Variants in PHF24 observed in about 807,000 individuals in gnomAD.
PHF24 encodes PHD finger protein 24, also known as Galpha inhibitory interacting protein.
Under a neutral mutation model 42.6 loss-of-function variants are expected in PHF24, and 25 were observed. The ratio of observed to expected loss-of-function variants is 0.59; its 90% confidence interval spans 0.43 to 0.82. The LOEUF (loss-of-function observed/expected upper bound fraction) is 0.82, where lower values mean the gene tolerates loss of function less well. Ranked by LOEUF, PHF24 falls within the 40% of genes least tolerant of loss-of-function variation. The probability of loss-of-function intolerance (pLI) is 0.00; values close to 1 mark genes in which losing one functional copy is unlikely to be tolerated. For synonymous variants in PHF24, 185 were observed against 204.8 expected (o/e 0.90, Z 0.83); for missense variants, 470 against 538.1 (o/e 0.87, Z 1.25).
chr9:34,750,791 GA>G, the PHF24 span, among the ~76,000 whole-genome samples: 1 of 151,888 alleles, frequency 6.6e-6, no homozygotes, highest in South Asian at 2.1e-4. Flanking sequence ...GGGAAAAAAG[GA>G]AGACAATACC....
At chr9:34,937,621 C>T in the PHF24 span, among the ~76,000 whole-genome samples, 21 of 145,540 alleles carry the variant, frequency 1.4e-4, no homozygotes, top group South Asian at 4.2e-3. Flanking sequence ...TCCCCCTCTG[C>T]GAGAAACACC....
the PHF24 span, among the ~76,000 whole-genome samples, chr9:34,846,959 A>G: frequency 6.6e-6 from 1 of 152,052 alleles, no homozygotes; most frequent in African/African-American, 2.4e-5. Context: ...ATTGATCTAT[A>G]TCTCTGTTTT....
the PHF24 span, among the ~76,000 whole-genome samples, chr9:34,713,074 A>C: frequency 6.6e-6 from 1 of 152,170 alleles, no homozygotes; most frequent in African/African-American, 2.4e-5. Flanking sequence ...CTCCTTAGGG[A>C]TTGCTGATAT....
the PHF24 span, among the ~76,000 whole-genome samples, chr9:34,748,574 T>C: frequency 6.6e-6 from 1 of 152,192 alleles, no homozygotes; most frequent in Non-Finnish European, 1.5e-5. Context: ...AACAAGAGTT[T>C]CTGCCTGGTA....
the PHF24 span, among the ~76,000 whole-genome samples, chr9:34,931,003 C>T: frequency 6.6e-6 from 1 of 152,102 alleles, no homozygotes; most frequent in Non-Finnish European, 1.5e-5. Context: ...TGGGTTAGCA[C>T]CATCCCTTCA....
the PHF24 span, among the ~76,000 whole-genome samples, chr9:34,909,886 C>CAA: frequency 6.6e-6 from 1 of 152,208 alleles, no homozygotes; most frequent in African/African-American, 2.4e-5. Context: ...CTTAGCCTCC[C>CAA]AAAGTGCTGG....
At chr9:34,915,407 C>CTTT in the PHF24 span, among the ~76,000 whole-genome samples, 3 of 145,030 alleles carry the variant, frequency 2.1e-5, no homozygotes, top group Non-Finnish European at 4.6e-5. Flanking sequence ...GCAGGTTGGC[C>CTTT]TTTTTTTTTT....
the PHF24 span, among the ~76,000 whole-genome samples, chr9:34,837,888 T>C: frequency 6.6e-6 from 1 of 152,226 alleles, no homozygotes; most frequent in African/African-American, 2.4e-5. Context: ...TCGGATTCAC[T>C]TGGAGCCTTT....
the PHF24 span, among the ~76,000 whole-genome samples, chr9:34,818,995 A>AT: frequency 6.6e-6 from 1 of 152,192 alleles, no homozygotes; most frequent in Admixed American, 6.5e-5. Context: ...ATGTAGGGCT[A>AT]TTCAGGTTAT....
the PHF24 span, among the ~76,000 whole-genome samples, chr9:34,701,229 A>T: frequency 1.3e-5 from 2 of 152,082 alleles, no homozygotes; most frequent in Non-Finnish European, 2.9e-5. This position sits in a 1 kb window ranked among gnomAD's most constrained non-coding sequence, Gnocchi z 5.8. Flanking sequence ...ATGCGCGCGT[A>T]CTAGCCATTG....
At chr9:34,974,893 T>A (rs1392972287) in intron 3 of PHF24, among the ~76,000 whole-genome samples, 1 of 152,142 alleles carries the variant, frequency 6.6e-6, no homozygotes, top group East Asian at 1.9e-4. Context: ...TCCAGTTCAA[T>A]CTCTCCCTCA....
chr9:34,832,477 G>C, the PHF24 span: 3 of 1,511,142 alleles, frequency 2.0e-6, no homozygotes, highest in African/African-American at 1.4e-5. Flanking sequence ...CGATGAGATT[G>C]GGCCTTGGAG....
the PHF24 span, chr9:34,723,955 C>T: frequency 2.6e-6 from 4 of 1,551,210 alleles, no homozygotes; most frequent in Admixed American, 5.9e-5. Flanking sequence ...ATCGCCAGGA[C>T]CCTCGGGGTG....
the PHF24 span, among the ~76,000 whole-genome samples, chr9:34,821,422 G>A: frequency 6.6e-6 from 1 of 152,152 alleles, no homozygotes; most frequent in African/African-American, 2.4e-5. Context: ...GAATTTCTCA[G>A]GGTTCCCTTT....
the PHF24 span, among the ~76,000 whole-genome samples, chr9:34,791,750 T>G: frequency 6.6e-6 from 1 of 151,676 alleles, no homozygotes; most frequent in Non-Finnish European, 1.5e-5. Context: ...GTGATCAAAC[T>G]ATGTTAATGC....
At chr9:34,713,366 T>C in the PHF24 span, among the ~76,000 whole-genome samples, 1 of 152,114 alleles carries the variant, frequency 6.6e-6, no homozygotes, top group Non-Finnish European at 1.5e-5. Flanking sequence ...GAGGACAGGG[T>C]TCCCCCTGCC....
the PHF24 span, among the ~76,000 whole-genome samples, chr9:34,902,099 G>A: frequency 6.6e-6 from 1 of 152,050 alleles, no homozygotes; most frequent in African/African-American, 2.4e-5. Context: ...AGAAGACAGA[G>A]TCATGCGTAA....
chr9:34,912,945 A>C, the PHF24 span, among the ~76,000 whole-genome samples: 2 of 152,212 alleles, frequency 1.3e-5, no homozygotes, highest in African/African-American at 4.8e-5. Flanking sequence ...AAAAGTAAAC[A>C]CTATTGAAAT....
the PHF24 span, among the ~76,000 whole-genome samples, chr9:34,932,201 G>T: frequency 6.6e-6 from 1 of 152,070 alleles, no homozygotes. Flanking sequence ...TATTCCCCTG[G>T]GCTAAGGGAG....
Sources: gnomAD v4.1 joint callset for allele counts (sites outside exome capture counted in the v4.1 genomes callset) on GRCh38, gnomAD v4.1.1 for gene constraint, Gnocchi (gnomAD v3.1) non-coding constraint, MANE v1.5 for transcripts, NCBI Gene and HGNC (gene_info 2026-07-23, HGNC 2026-07-21) for gene names.